Variants in OR4K14 observed in about 807,000 individuals in gnomAD.
The protein encoded by OR4K14 is olfactory receptor 4K14.
For synonymous variants in OR4K14, 153 were observed against 141.5 expected (o/e 1.08, Z -0.58); for missense variants, 406 against 373.6 (o/e 1.09, Z -0.72).
Position 20,014,805 on chromosome 14 carries a change from G to C in OR4K14, c.389C>G (p.Pro130Arg), listed in dbSNP as rs374660996. 9 of 1,613,878 alleles carry C rather than the reference G, an allele frequency of 5.6e-6. No homozygotes were observed. Among genetic ancestry groups the C allele is most frequent in the African/African-American group, 2.7e-5 (2 of 74,864 alleles). The change falls in exon 2 of 2, where the codon CCC (proline) becomes CGC (arginine). Residue 130 changes from proline (P) to arginine (R), a missense_variant. Pro to Arg is a moderately radical substitution (Grantham distance 103). Coordinates refer to ENST00000641793, the MANE Select transcript of OR4K14 (RefSeq NM_001004712.2). ...ACTCATCAAAGTCATGTAATGCAAG[G>C]GTTTGCATATGGCCACATATCTGTC... ...AYDRYVAICK[P>R]LHYMTLMSWQ...
Position 20,015,174 on chromosome 14 carries a change from G to T in OR4K14, c.20C>A (p.Ser7Tyr). 6.2e-7 allele frequency: 1 copy of T among 1,607,368 alleles called. No individual in the cohort carries two copies. The highest frequency in any genetic ancestry group is 8.5e-7 in the Non-Finnish European group (1 of 1,176,908). The change falls in exon 2 of 2, where the codon TCC (serine) becomes TAC (tyrosine). Residue 7 changes from serine (S) to tyrosine (Y), a missense_variant. Physicochemically the swap from Ser to Tyr is moderately radical, Grantham distance 144. Coordinates refer to ENST00000641793, the MANE Select transcript of OR4K14 (RefSeq NM_001004712.2). MDPQNY[S>Y]LVSEFVLHGL... ...ATGCAACACAAATTCTGACACCAAG[G>T]AATAGTTCTGTGGGTCCATTGCCTC...
chr14:20,017,393 T>G (rs575434129), intron 1 of OR4K14, among the ~76,000 whole-genome samples: 42 of 152,120 alleles, frequency 2.8e-4, no homozygotes, highest in Non-Finnish European at 5.3e-4. Context: ...AAGAAATAAA[T>G]CACTTAACCT....
chr14:20,015,370 T>C, intron 1 of OR4K14, 148 bp from the exon 2 acceptor site: 1 of 538,702 alleles, frequency 1.9e-6, no homozygotes, highest in Non-Finnish European at 3.2e-6. Flanking sequence ...AAATAGAAAG[T>C]AAAATGGTGG....
At chr14:20,015,476 A>G (rs948630597) in intron 1 of OR4K14, among the ~76,000 whole-genome samples, 2 of 152,176 alleles carry the variant, frequency 1.3e-5, no homozygotes, top group Non-Finnish European at 2.9e-5. Context: ...GATCTATTGT[A>G]CATCATTGCG....
intron 1 of OR4K14, 55 bp from the exon 2 acceptor site, chr14:20,015,277 T>G: frequency 1.3e-6 from 1 of 773,962 alleles, no homozygotes; most frequent in East Asian, 2.6e-5. Flanking sequence ...GACATTGTAT[T>G]AAGTGAAATA....
At chr14:20,015,654 G>C (rs186139947) in intron 1 of OR4K14, among the ~76,000 whole-genome samples, 72 of 152,104 alleles carry the variant, frequency 4.7e-4, no homozygotes, top group Admixed American at 2.0e-3. Flanking sequence ...TTATCAATTA[G>C]AAAGAAAGAG....
At position 20,014,219 on chromosome 14, in the gene OR4K14, G is replaced by T. The variant is rs770297155; in HGVS notation, c.*42C>A. 6 of 1,223,774 alleles carry T rather than the reference G, an allele frequency of 4.9e-6. No homozygotes were observed. Among genetic ancestry groups the T allele is most frequent in the Non-Finnish European group, 6.9e-6 (6 of 869,806 alleles). 75.8% of individuals were successfully genotyped at this position (1,223,774 alleles called of 1,614,324 possible). On this transcript the variant is annotated 3_prime_UTR_variant, in exon 2 of 2. Transcript: ENST00000641793. ...GAATTATATTAAAGAAATTATATCT[G>T]CTGAATGAATAGAAACATCTAACAC...
chr14:20,014,370 AAC>A lies in OR4K14; in HGVS notation c.822_823del (p.Phe275LeufsTer18). On this transcript the variant is annotated frameshift_variant, in exon 2 of 2. Transcript: ENST00000641793. LOFTEE classifies it low-confidence loss of function (END_TRUNC). Reference sequence around the variant, plus strand: ...CAGGAGTGGAGTAAAAATGGTATAAAACACAGACAGCAGCTTGTCCACAGAGA... The same window carrying A: ...CAGGAGTGGAGTAAAAATGGTATAAAACAGACAGCAGCTTGTCCACAGAGA... The A allele has an allele frequency of 6.2e-7, 1 of 1,614,008 alleles. No individual in the cohort carries two copies. Among genetic ancestry groups the A allele is most frequent in the Non-Finnish European group, 8.5e-7 (1 of 1,179,938 alleles).
At chr14:20,019,032 GTTA>G (rs1349833937) in intron 1 of OR4K14, 108 bp downstream of exon 1, 2 of 151,774 alleles carry the variant, frequency 1.3e-5, no homozygotes, top group Non-Finnish European at 2.9e-5. Flanking sequence ...CAACTTGCAA[GTTA>G]TTATGATGTA....
Position 20,014,506 on chromosome 14 carries a change from C to G in OR4K14, c.688G>C (p.Ala230Pro), listed in dbSNP as rs1594158298. 9.9e-6 allele frequency: 16 copies of G among 1,614,022 alleles called. No homozygotes were observed. Among genetic ancestry groups the G allele is most frequent in the Non-Finnish European group, 1.4e-5 (16 of 1,179,958 alleles). ...TVILLAIRQR[A>P]AGSTSKALST... ...AGTGCTTTGGATGTGCTACCGGCAG[C>G]ACGCTGTCTGATAGCGAGGAGGATC... Residue 230 changes from alanine to proline, a missense_variant, in exon 2 of 2, where the codon GCT becomes CCT. Transcript: ENST00000641793.
intron 1 of OR4K14, among the ~76,000 whole-genome samples, chr14:20,018,259 C>T (rs1297714326): frequency 6.6e-6 from 1 of 151,942 alleles, no homozygotes; most frequent in African/African-American, 2.4e-5. Context: ...CCATCTCAAC[C>T]AGACTGTTGT....
In OR4K14 at chr14:20,014,495, G is replaced by A. The variant is rs1440798544; in HGVS notation, c.699C>T (p.Ser233=). 6.2e-7 allele frequency: 1 copy of A among 1,613,882 alleles called. No individual in the cohort carries two copies. Among genetic ancestry groups the A allele is most frequent in the African/African-American group, 1.3e-5 (1 of 74,910 alleles). Residue 233 remains serine (S), a synonymous_variant, in exon 2 of 2, where the codon AGC becomes AGT. Coordinates refer to ENST00000641793, the MANE Select transcript of OR4K14 (RefSeq NM_001004712.2). ...AGCAAGTGGAGAGTGCTTTGGATGT[G>A]CTACCGGCAGCACGCTGTCTGATAG... ...LLAIRQRAAG[S]TSKALSTCSA...
Position 20,015,127 on chromosome 14 carries a change from G to A in OR4K14, c.67C>T (p.Leu23Phe). 6.2e-7 allele frequency: 1 copy of A among 1,613,936 alleles called. No individual in the cohort carries two copies. ...AAAAATATAAAGAAAAAATTTTGAA[G>A]ATGTCGTGAAGTGCAGAGTCCATGC... ...VLHGLCTSRH[L>F]QNFFFIFFFG... is the part of the protein sequence containing the mutation. The change falls in exon 2 of 2, where the codon CTT (leucine) becomes TTT (phenylalanine). Residue 23 changes from leucine to phenylalanine, a missense_variant. Transcript: ENST00000641793.
rs1224347010 is a variant in OR4K14, at chr14:20,019,171, T to G, written c.-58A>C. ...GAGTTAAGATGCTCAGTGCTGATAC[T>G]GCAGCTCACCCAATTTATATTTTAC... On this transcript the variant is annotated 5_prime_UTR_variant, in exon 1 of 2. Coordinates refer to ENST00000641793, the MANE Select transcript of OR4K14 (RefSeq NM_001004712.2). 1.3e-5 allele frequency: 2 copies of G among 152,110 alleles called. No individual in the cohort carries two copies. The highest frequency in any genetic ancestry group is 2.9e-5 in the Non-Finnish European group (2 of 67,958). 9.4% of individuals were successfully genotyped at this position (152,110 alleles called of 1,614,324 possible).
chr14:20,016,153 A>ATTATTATTATTATTATTATTATTTTTATT (rs372945197), intron 1 of OR4K14, among the ~76,000 whole-genome samples: 2 of 123,666 alleles, frequency 1.6e-5, no homozygotes, highest in Non-Finnish European at 3.5e-5. Flanking sequence ...GTACATTATT[A>ATTATTATTATTATTATTATTATTTTTATT]AGTGTCTCTT....
intron 1 of OR4K14, among the ~76,000 whole-genome samples, chr14:20,017,622 C>A (rs549603460): frequency 1.5e-3 from 225 of 151,632 alleles, no homozygotes; most frequent in African/African-American, 5.2e-3. Context: ...GGAAGCTGAG[C>A]AAAATAAACT....
At chr14:20,015,598 A>G (rs1224283587) in intron 1 of OR4K14, among the ~76,000 whole-genome samples, 1 of 152,214 alleles carries the variant, frequency 6.6e-6, no homozygotes, top group Non-Finnish European at 1.5e-5. Context: ...ATGTTTACAT[A>G]TATGAAAACA....
chr14:20,017,762 A>C (rs1877128128), intron 1 of OR4K14, among the ~76,000 whole-genome samples: 1 of 151,988 alleles, frequency 6.6e-6, no homozygotes, highest in Non-Finnish European at 1.5e-5. Context: ...AGATATTTCC[A>C]AGACCTCTCA....
At position 20,014,384 on chromosome 14, in the gene OR4K14, C is replaced by G; in HGVS notation, c.810G>C (p.Lys270Asn). The change falls in exon 2 of 2, where the codon AAG (lysine) becomes AAC (asparagine). Residue 270 changes from lysine to asparagine, a missense_variant. Physicochemically the swap from Lys to Asn is moderately conservative, Grantham distance 94. Coordinates refer to ENST00000641793, the MANE Select transcript of OR4K14 (RefSeq NM_001004712.2). ...VRPFSRFSVDKLLSVFYTIFT... is the reference protein window; with the variant it reads ...VRPFSRFSVDNLLSVFYTIFT... ...AAATGGTATAAAACACAGACAGCAG[C>G]TTGTCCACAGAGAACCTACTGAAAG... The G allele has an allele frequency of 2.5e-6, 4 of 1,613,886 alleles. No homozygotes were observed. Among genetic ancestry groups the G allele is most frequent in the Non-Finnish European group, 3.4e-6 (4 of 1,179,882 alleles).
Sources: gnomAD v4.1 joint callset for allele counts (sites outside exome capture counted in the v4.1 genomes callset) on GRCh38, gnomAD v4.1.1 for gene constraint, MANE v1.5 for transcripts, NCBI Gene and HGNC (gene_info 2026-07-23, HGNC 2026-07-21) for gene names.